Variants in CYP4F2 observed in about 807,000 individuals in gnomAD.
CYP4F2 encodes cytochrome P450 4F2.
In CYP4F2, 58 loss-of-function variants were observed where a neutral mutation model predicts 58.9. That is an observed-to-expected ratio of 0.98 (90% CI 0.80 to 1.23). CYP4F2 has a LOEUF of 1.23. Ranked by LOEUF, CYP4F2 falls within the 50% of genes most tolerant of loss-of-function variation. The pLI, the probability that CYP4F2 is intolerant of heterozygous loss-of-function variation, is 0.00. For synonymous variants in CYP4F2, 287 were observed against 261.1 expected (o/e 1.10, Z -0.95); for missense variants, 616 against 685.6 (o/e 0.90, Z 1.13).
At position 15,897,455 on chromosome 19, in the gene CYP4F2, G is replaced by A. The variant is rs748890100; in HGVS notation, c.157C>T (p.Gln53Ter). ...DNCRRLRCFP[Q>*]PPRRNWFWGH... ...CAAAACCAGTTCCGTCTTGGGGGTT[G>A]TGGGAAACACCGAAGGCGGCGGCAG... The change falls in exon 2 of 13, where the codon CAA becomes TAA. Residue 53 changes from glutamine (Q) to a stop codon, truncating the protein, a stop_gained. Coordinates refer to ENST00000221700, the MANE Select transcript of CYP4F2 (RefSeq NM_001082.5). LOFTEE classifies it high-confidence loss of function. 1.2e-6 allele frequency: 2 copies of A among 1,613,964 alleles called. No individual in the cohort carries two copies. The highest frequency in any genetic ancestry group is 1.7e-6 in the Non-Finnish European group (2 of 1,179,962).
intron 7 of CYP4F2, among the ~76,000 whole-genome samples, chr19:15,888,820 A>G (rs886469495): frequency 1.3e-5 from 2 of 152,268 alleles, no homozygotes; most frequent in African/African-American, 2.4e-5. Context: ...TCATAGACAC[A>G]GACAAAAAAC....
intron 12 of CYP4F2, among the ~76,000 whole-genome samples, 199 bp from the exon 13 acceptor site, chr19:15,879,135 G>C (rs544862114): frequency 5.3e-5 from 8 of 152,260 alleles, no homozygotes; most frequent in Admixed American, 2.0e-4. Flanking sequence ...CCTAGACCAA[G>C]GTGGGGTAGG....
chr19:15,878,664 T>C lies in CYP4F2; in HGVS notation c.*107A>G. ...GTCTCAATTATTTTGAGTAGATATC[T>C]AGGATGGAATACAGGACTGTGGAAC... is the stretch of plus-strand genomic sequence containing the variant. On this transcript the variant is annotated 3_prime_UTR_variant, in exon 13 of 13. Coordinates refer to ENST00000221700, the MANE Select transcript of CYP4F2 (RefSeq NM_001082.5). The C allele has an allele frequency of 1.4e-6, 2 of 1,388,922 alleles. No homozygotes were observed. Among genetic ancestry groups the C allele is most frequent in the Non-Finnish European group, 1.9e-6 (2 of 1,034,240 alleles). 86.0% of individuals were successfully genotyped at this position (1,388,922 alleles called of 1,614,324 possible).
intron 9 of CYP4F2, among the ~76,000 whole-genome samples, chr19:15,880,989 A>T (rs1328098318): frequency 6.6e-6 from 1 of 152,220 alleles, no homozygotes; most frequent in Non-Finnish European, 1.5e-5. Flanking sequence ...ATGCTTATAC[A>T]TGCAAGGAAT....
rs554749145 is a variant in CYP4F2, at chr19:15,893,053, A to G, written c.344-471T>C. 1.4e-4 allele frequency among the ~76,000 whole-genome samples: 22 copies of G among 152,276 alleles called. No homozygotes were observed. In the East Asian group the frequency reaches 4.1e-3, roughly 28 times the overall value. On this transcript the variant is annotated intron_variant, in intron 3 of 12. Coordinates refer to ENST00000221700, the MANE Select transcript of CYP4F2 (RefSeq NM_001082.5). ...GCCACAAAATACATGACAATTCCTA[A>G]CATGAGATGGTGTGCTCTAACATGC... is the stretch of plus-strand genomic sequence containing the variant.
chr19:15,897,785 A>G (rs916031211), intron 1 of CYP4F2, 173 bp from the exon 2 acceptor site: 6 of 715,758 alleles, frequency 8.4e-6, no homozygotes, highest in Admixed American at 2.9e-5. Context: ...AACCAAAACC[A>G]GCAGCCAAGT....
chr19:15,879,436 T>C lies in CYP4F2; in HGVS notation c.1315-8A>G, dbSNP rs1308281418. 6.2e-7 allele frequency: 1 copy of C among 1,612,720 alleles called. No individual in the cohort carries two copies. Among genetic ancestry groups the C allele is most frequent in the African/African-American group, 1.3e-5 (1 of 74,788 alleles). On this transcript the variant is annotated splice_region_variant and splice_polypyrimidine_tract_variant and intron_variant, in intron 11 of 12. Transcript: ENST00000221700. ...GCGAAAGGGGTCGTAGACCTGGAGG[T>C]GAGACCAAGAAGGGTTGTTGGGTGG...
In CYP4F2 at chr19:15,878,552, T is replaced by C. The variant is rs1415321613; in HGVS notation, c.*219A>G. On this transcript the variant is annotated 3_prime_UTR_variant, in exon 13 of 13. Coordinates refer to ENST00000221700, the MANE Select transcript of CYP4F2 (RefSeq NM_001082.5). ...GTTTATCCTTTCATCTGGTAATATATAGCTTGGGGTTGTTTTCATCGTTTG... is the reference window on the plus strand; with the variant it reads ...GTTTATCCTTTCATCTGGTAATATACAGCTTGGGGTTGTTTTCATCGTTTG... 1.5e-5 allele frequency: 11 copies of C among 721,546 alleles called. No homozygotes were observed. Among genetic ancestry groups the C allele is most frequent in the Non-Finnish European group, 2.4e-5 (11 of 452,780 alleles). The allele number at this position is 721,546 out of a possible 1,614,324, so 44.7% of individuals were successfully genotyped here. A position where few individuals can be genotyped will look rare whatever the true frequency, so the allele number is the denominator to read the frequency against.
At position 15,889,630 on chromosome 19, in the gene CYP4F2, A is replaced by G. The variant is rs967804097; in HGVS notation, c.711T>C (p.His237=). 1 of 1,613,716 alleles carries G rather than the reference A, an allele frequency of 6.2e-7. No individual in the cohort carries two copies. Among genetic ancestry groups the G allele is most frequent in the Non-Finnish European group, 8.5e-7 (1 of 1,179,616 alleles). The change falls in exon 7 of 13, where the codon CAT becomes CAC. Residue 237 remains histidine, a synonymous_variant. Coordinates refer to ENST00000221700, the MANE Select transcript of CYP4F2 (RefSeq NM_001082.5). ...ELSALVSKRH[H]EILLHIDFLY... is the part of the protein sequence containing the mutation. ...GGAAGTCAATATGCAGGAGGATCTC[A>G]TGGTGTCTTTTTGATACAAGGGCAC...
intron 9 of CYP4F2, 144 bp from the exon 10 acceptor site, chr19:15,880,041 A>G: frequency 6.5e-7 from 1 of 1,547,874 alleles, no homozygotes; most frequent in Non-Finnish European, 8.7e-7. Context: ...AAGAATAAAA[A>G]TAGTGTGGCA....
At chr19:15,891,458 G>T (rs1481504703) in intron 5 of CYP4F2, among the ~76,000 whole-genome samples, 2 of 151,202 alleles carry the variant, frequency 1.3e-5, no homozygotes, top group East Asian at 3.9e-4. Flanking sequence ...TTATCAATTT[G>T]CAAGTTAAAA....
chr19:15,896,596 G>A (rs2089449998), intron 2 of CYP4F2, among the ~76,000 whole-genome samples: 1 of 152,172 alleles, frequency 6.6e-6, no homozygotes, highest in Non-Finnish European at 1.5e-5. Flanking sequence ...CATGGAGAAG[G>A]TTCTGCACAT....
At chr19:15,888,687 ACACT>A (rs1273181897) in intron 7 of CYP4F2, among the ~76,000 whole-genome samples, 4 of 152,200 alleles carry the variant, frequency 2.6e-5, no homozygotes, top group East Asian at 1.9e-4. Flanking sequence ...GACATGACAC[ACACT>A]CAGACACAAC....
rs368847446 is a variant in CYP4F2, at chr19:15,894,012, AC to A, written c.344-1431del. The A allele has an allele frequency of 5.2e-4, 113 of 216,660 alleles. 1 individual carries two copies. The highest frequency in any genetic ancestry group is 2.5e-3 in the African/African-American group (107 of 43,318). 13.4% of individuals were successfully genotyped at this position (216,660 alleles called of 1,614,324 possible). On this transcript the variant is annotated intron_variant, in intron 3 of 12. Coordinates refer to ENST00000221700, the MANE Select transcript of CYP4F2 (RefSeq NM_001082.5). The stretch of plus-strand genomic sequence containing the variant: ...TCTCATCCTCCTGTCAGTGCTGAGC[AC>A]CCCCTGCCTCCTCACATCCTCCATG...
At chr19:15,897,701 C>G (rs1290522167) in intron 1 of CYP4F2, 89 bp from the exon 2 acceptor site, 6 of 1,508,374 alleles carry the variant, frequency 4.0e-6, no homozygotes, top group Non-Finnish European at 5.4e-6. Flanking sequence ...CAGGGACGGG[C>G]AGTGCCGGAG....
At chr19:15,895,148 G>C (rs2089440263) in intron 3 of CYP4F2, among the ~76,000 whole-genome samples, 1 of 152,200 alleles carries the variant, frequency 6.6e-6, no homozygotes, top group Non-Finnish European at 1.5e-5. Flanking sequence ...CCCCAGCAGA[G>C]ACCTTGTTCT....
rs1411997383 is a variant in CYP4F2, at chr19:15,889,444, A to G, written c.897T>C (p.Ile299=). The G allele has an allele frequency of 6.2e-7, 1 of 1,614,118 alleles. No homozygotes were observed. The highest frequency in any genetic ancestry group is 8.5e-7 in the Non-Finnish European group (1 of 1,180,008). Reference sequence around the variant, plus strand: ...CCACCTTGCTCAGCAGGAGTACATCAATGAAGTCCAAAGTCTTGGATTTGG... The same window carrying G: ...CCACCTTGCTCAGCAGGAGTACATCGATGAAGTCCAAAGTCTTGGATTTGG... ...AKAKSKTLDF[I]DVLLLSKDED... is the part of the protein sequence containing the mutation. Residue 299 remains isoleucine (I), a synonymous_variant, in exon 7 of 13, where the codon ATT becomes ATC. Transcript: ENST00000221700.
rs369403543 is a variant in CYP4F2 at position 15,885,819 on chromosome 19, G to A, written c.1115+105C>T. 55 of 1,495,716 alleles carry A rather than the reference G, an allele frequency of 3.7e-5. No homozygotes were observed. In the African/African-American group the frequency reaches 6.3e-4, roughly 17 times the overall value. 92.7% of individuals were successfully genotyped at this position (1,495,716 alleles called of 1,614,324 possible). Reference sequence around the variant, plus strand: ...GGTCCTCTGCTCCTATTCCCACTAGGCAATAGTGGCAGAATCAACAAAAAC... The same window carrying A: ...GGTCCTCTGCTCCTATTCCCACTAGACAATAGTGGCAGAATCAACAAAAAC... On this transcript the variant is annotated intron_variant, in intron 9 of 12. Coordinates refer to ENST00000221700, the MANE Select transcript of CYP4F2 (RefSeq NM_001082.5).
In CYP4F2 at chr19:15,885,930, A is replaced by G; in HGVS notation, c.1109T>C (p.Ile370Thr). ...CACAAGCACCTGCACTCACCATTCA[A>G]TCTCTTTAGGCTCACGGTCCTTCAG... ...ELLKDREPKE[I>T]EWDDLAHLPF... The change falls in exon 9 of 13, where the codon ATT becomes ACT. Residue 370 changes from isoleucine to threonine, a missense_variant. By Grantham distance (89) the Ile-to-Thr change is moderately conservative. Coordinates refer to ENST00000221700, the MANE Select transcript of CYP4F2 (RefSeq NM_001082.5). 1 of 1,613,354 alleles carries G rather than the reference A, an allele frequency of 6.2e-7. No individual in the cohort carries two copies. The highest frequency in any genetic ancestry group is 2.2e-5 in the East Asian group (1 of 44,796).
Sources: allele counts gnomAD v4.1 joint callset (sites outside exome capture counted in the v4.1 genomes callset), GRCh38; gene constraint gnomAD v4.1.1; transcripts MANE v1.5; gene names NCBI Gene and HGNC (gene_info 2026-07-23, HGNC 2026-07-21).